Variants in LPIN2 observed in about 807,000 individuals in gnomAD.
LPIN2 encodes lipin 2.
A neutral mutation model predicts 111.4 loss-of-function variants in LPIN2; 55 were observed. The ratio of observed to expected loss-of-function variants is 0.49; its 90% CI spans 0.40 to 0.62. LPIN2 has a LOEUF of 0.62. LPIN2 is among the 20% of genes least tolerant of loss of function. LPIN2 has a pLI of 0.00. For missense variants in LPIN2, 992 were observed against 1,112.1 expected, an observed-to-expected ratio of 0.89 and a Z score of 1.54; for synonymous variants, 425 against 414.0, an observed-to-expected ratio of 1.03 and a Z score of -0.32.
chr18:2,987,335 G>A (rs10502309), intron 1 of LPIN2, among the ~76,000 whole-genome samples: 4,378 of 152,236 alleles, frequency 0.029, 193 homozygotes, highest in African/African-American at 0.1. Context: ...CTATACTCCA[G>A]ATCAAAAAGT....
chr18:3,012,988 G>A, intron 1 of LPIN2, 99 bp downstream of exon 1: 1 of 150,934 alleles, frequency 6.6e-6, no homozygotes, highest in African/African-American at 2.4e-5. Flanking sequence ...CCTCCGGCAG[G>A]ACAGCCCCGG....
chr18:2,933,701 G>GT (rs113636017), intron 8 of LPIN2, among the ~76,000 whole-genome samples: 4 of 152,304 alleles, frequency 2.6e-5, no homozygotes, highest in African/African-American at 7.2e-5. Flanking sequence ...GAGAAAAGTT[G>GT]TTTTTTTCTA....
At chr18:2,997,646 T>C (rs2078365995) in intron 1 of LPIN2, among the ~76,000 whole-genome samples, 1 of 152,236 alleles carries the variant, frequency 6.6e-6, no homozygotes, top group Admixed American at 6.5e-5. Context: ...AATCATTGTT[T>C]AATGACTCCT....
intron 4 of LPIN2, among the ~76,000 whole-genome samples, chr18:2,949,093 G>A (rs538854902): frequency 9.2e-5 from 14 of 152,140 alleles, no homozygotes; most frequent in Non-Finnish European, 1.3e-4. Context: ...ATGGGCTACC[G>A]TGCCCGGCCT....
chr18:2,930,007 A>C (rs2077191199), intron 9 of LPIN2, among the ~76,000 whole-genome samples: 1 of 152,230 alleles, frequency 6.6e-6, no homozygotes, highest in South Asian at 2.1e-4. Context: ...ATTTGGCTCA[A>C]GGTCTGTGAA....
intron 1 of LPIN2, among the ~76,000 whole-genome samples, chr18:2,973,928 T>A (rs886322037): frequency 6.6e-6 from 1 of 152,204 alleles, no homozygotes; most frequent in Admixed American, 6.5e-5. Flanking sequence ...TTAGAGCATT[T>A]TGGATTTCAG....
chr18:2,959,505 T>G (rs1010589087), intron 2 of LPIN2, among the ~76,000 whole-genome samples: 5 of 152,204 alleles, frequency 3.3e-5, no homozygotes, highest in Non-Finnish European at 5.9e-5. Flanking sequence ...TGCTTTAAAA[T>G]GTTGACAAAG....
At chr18:2,989,805 A>G (rs1244141356) in intron 1 of LPIN2, among the ~76,000 whole-genome samples, 1 of 152,080 alleles carries the variant, frequency 6.6e-6, no homozygotes, top group Non-Finnish European at 1.5e-5. Context: ...CTGTGGTCCC[A>G]GCCACTCGGG....
intron 8 of LPIN2, among the ~76,000 whole-genome samples, chr18:2,932,336 G>C (rs1237041795): frequency 6.6e-6 from 1 of 152,100 alleles, no homozygotes; most frequent in African/African-American, 2.4e-5. Context: ...GTGACCCAGA[G>C]GTTTACTGGC....
At chr18:2,948,631 G>A (rs2077490363) in intron 4 of LPIN2, among the ~76,000 whole-genome samples, 1 of 152,082 alleles carries the variant, frequency 6.6e-6, no homozygotes, top group African/African-American at 2.4e-5. Context: ...GGTAGATCTT[G>A]GAAGAATTTT....
chr18:2,945,961 C>T, intron 4 of LPIN2: 3 of 1,402,880 alleles, frequency 2.1e-6, no homozygotes, highest in Non-Finnish European at 3.0e-6. Context: ...TCTTCTACAA[C>T]AGCTCCAGTA....
rs2077118893 is a variant in LPIN2, at chr18:2,925,565, A to G, written c.1794-197T>C. Among the ~76,000 whole-genome samples, 1 of 152,192 alleles carries G rather than the reference A, an allele frequency of 6.6e-6. No homozygotes were observed. The highest frequency in any genetic ancestry group is 1.5e-5 in the Non-Finnish European group (1 of 68,044). ...ATTGTTAACTGATAAGGCCACTTTCATAACTGGCAAGCACTTACTTTCTGA... is the reference window on the plus strand; with the variant it reads ...ATTGTTAACTGATAAGGCCACTTTCGTAACTGGCAAGCACTTACTTTCTGA... On this transcript the variant is annotated intron_variant, in intron 13 of 19. Coordinates refer to ENST00000677752, the MANE Select transcript of LPIN2 (RefSeq NM_001375808.2). The surrounding 1 kb of genome is among the most constrained non-coding windows in gnomAD (Gnocchi z 4.1).
At chr18:2,928,551 G>A (rs776764558) in intron 11 of LPIN2, 40 bp downstream of exon 11, 40 of 1,587,504 alleles carry the variant, frequency 2.5e-5, no homozygotes, top group South Asian at 1.1e-4. Context: ...TAGACACTGC[G>A]GATGCTTTCG....
chr18:2,944,684 T>C (rs111277472), intron 4 of LPIN2, among the ~76,000 whole-genome samples: 3 of 152,234 alleles, frequency 2.0e-5, no homozygotes, highest in African/African-American at 7.2e-5. Context: ...TTTTACATAG[T>C]TTTCCATCAG....
At chr18:2,982,768 A>C (rs1379970626) in intron 1 of LPIN2, 2 of 1,278,860 alleles carry the variant, frequency 1.6e-6, no homozygotes, top group Non-Finnish European at 2.1e-6. Flanking sequence ...TAAGTAAAAC[A>C]TCTTGAAATT....
chr18:2,968,363 T>C (rs1484328530), intron 1 of LPIN2, among the ~76,000 whole-genome samples: 1 of 152,206 alleles, frequency 6.6e-6, no homozygotes, highest in African/African-American at 2.4e-5. Flanking sequence ...GGCCTGTTTC[T>C]GGTACAGTTC....
At chr18:3,004,515 A>G (rs983530633) in intron 1 of LPIN2, among the ~76,000 whole-genome samples, 9 of 152,224 alleles carry the variant, frequency 5.9e-5, no homozygotes, top group Non-Finnish European at 1.0e-4. Flanking sequence ...AGCTCTATTC[A>G]GCTCTGAAAC....
intron 19 of LPIN2, 41 bp downstream of exon 19, chr18:2,920,737 T>TA: frequency 6.7e-7 from 1 of 1,492,860 alleles, no homozygotes; most frequent in African/African-American, 1.4e-5. Context: ...ACTGTACCCC[T>TA]GGCTGCAGGG....
rs537604295 is a variant in LPIN2, at chr18:2,984,869, TG to T, written c.-9-24021del. 7.6e-3 allele frequency among the ~76,000 whole-genome samples: 1,161 copies of T among 152,158 alleles called. 11 individuals are homozygous for T. Among genetic ancestry groups the T allele is most frequent in the African/African-American group, 0.027 (1,104 of 41,500 alleles). On this transcript the variant is annotated intron_variant, in intron 1 of 19. Transcript: ENST00000677752. The stretch of plus-strand genomic sequence containing the variant: ...AAGCAGAGACCAAGAAAGAACATGC[TG>T]GGGATCAGCAGGAGGAGGCTGACAA...
Sources: allele counts gnomAD v4.1 joint callset (sites outside exome capture counted in the v4.1 genomes callset), GRCh38; gene constraint gnomAD v4.1.1; non-coding constraint Gnocchi (gnomAD v3.1); transcripts MANE v1.5; gene names NCBI Gene and HGNC (gene_info 2026-07-23, HGNC 2026-07-21).